SLC39A14: variants seen among roughly 807,000 people sequenced by gnomAD.
SLC39A14 encodes the protein metal cation symporter ZIP14.
Under a neutral mutation model 45.5 loss-of-function variants are expected in SLC39A14, and 19 were observed. That is an observed-to-expected ratio of 0.42 (90% CI 0.29 to 0.61). The LOEUF is 0.61. SLC39A14 is among the 20% of genes least tolerant of loss of function. The pLI, the probability that SLC39A14 is intolerant of heterozygous loss-of-function variation, is 0.22. For synonymous variants in SLC39A14, 264 were observed against 251.3 expected, an observed-to-expected ratio of 1.05 and a Z score of -0.48; for missense variants, 447 against 616.5, an observed-to-expected ratio of 0.73 and a Z score of 2.91.
In SLC39A14 at chr8:22,416,108, G is replaced by A. The variant is rs752035677; in HGVS notation, c.975G>A (p.Leu325=). The part of the protein sequence containing the change: ...LQASQSACYW[L]KGVRYSDIGT... ...CTTCCCAGAGTGCTTGCTACTGGCT[G>A]AAAGGTGTCCGCTACTCTGATATCG... The change falls in exon 7 of 9, where the codon CTG becomes CTA. Residue 325 remains leucine (L), a synonymous_variant. Transcript: ENST00000381237. 4 of 1,614,134 alleles carry A rather than the reference G, an allele frequency of 2.5e-6. No homozygotes were observed. The highest frequency in any genetic ancestry group is 1.7e-6 in the Non-Finnish European group (2 of 1,180,024).
In SLC39A14 at chr8:22,416,100, T is replaced by A. The variant is rs934560920; in HGVS notation, c.967T>A (p.Tyr323Asn). The part of the protein sequence containing the change: ...QDLQASQSAC[Y>N]WLKGVRYSDI... ...CCTGCAGGCTTCCCAGAGTGCTTGC[T>A]ACTGGCTGAAAGGTGTCCGCTACTC... is the stretch of plus-strand genomic sequence containing the variant. Residue 323 changes from tyrosine (Y) to asparagine (N), a missense_variant, in exon 7 of 9, where the codon TAC (tyrosine) becomes AAC (asparagine). Tyr to Asn is a moderately radical substitution (Grantham distance 143). Around this residue, in one of 2 missense-constraint regions of SLC39A14, gnomAD observed 342 missense variants for 428.1 expected, o/e 0.80. Transcript: ENST00000381237. 1.2e-6 allele frequency: 2 copies of A among 1,614,136 alleles called. No individual in the cohort carries two copies. Among genetic ancestry groups the A allele is most frequent in the Non-Finnish European group, 1.7e-6 (2 of 1,180,020 alleles).
At chr8:22,397,102 G>A (rs905883570) in intron 1 of SLC39A14, among the ~76,000 whole-genome samples, 2 of 151,984 alleles carry the variant, frequency 1.3e-5, no homozygotes, top group Admixed American at 6.6e-5. Context: ...AACTCTGCAA[G>A]TTTATTCTCT....
intron 1 of SLC39A14, among the ~76,000 whole-genome samples, chr8:22,383,149 C>T (rs755583768): frequency 4.3e-4 from 66 of 152,272 alleles, no homozygotes; most frequent in Non-Finnish European, 8.4e-4. Flanking sequence ...AGGATAGCCT[C>T]AGCAAATCAT....
intron 3 of SLC39A14, among the ~76,000 whole-genome samples, chr8:22,411,620 G>C (rs1835572754): frequency 6.6e-6 from 1 of 152,150 alleles, no homozygotes; most frequent in African/African-American, 2.4e-5. Flanking sequence ...GAGAGCCCTC[G>C]AGTCCAAAGT....
rs1835844651 is a variant in SLC39A14 at position 22,415,864 on chromosome 8, G to A, written c.846G>A (p.Leu282=). The change falls in exon 6 of 9, where the codon CTG becomes CTA. Residue 282 remains leucine, a synonymous_variant. Transcript: ENST00000381237. ...TGGAGAAGCTGCAGAACGGGGACCT[G>A]GACCACATGATTCCTCAGCACTGCA... ...GVMEKLQNGD[L]DHMIPQHCSS... 3 of 1,613,306 alleles carry A rather than the reference G, an allele frequency of 1.9e-6. No individual in the cohort carries two copies. In the East Asian group the frequency reaches 6.7e-5, roughly 36 times the overall value.
At position 22,422,379 on chromosome 8, in the gene SLC39A14, C is replaced by T. The variant is rs1836278601; in HGVS notation, c.*2681C>T. 3.0e-6 allele frequency: 3 copies of T among 985,688 alleles called. No individual in the cohort carries two copies. The highest frequency in any genetic ancestry group is 1.1e-4 in the East Asian group (1 of 8,828). The allele number at this position is 985,688 out of a possible 1,614,324, so 61.1% of individuals were successfully genotyped here. On this transcript the variant is annotated 3_prime_UTR_variant, in exon 9 of 9. Coordinates refer to ENST00000381237, the MANE Select transcript of SLC39A14 (RefSeq NM_001128431.4). ...GGAGCTATTCTTCACTGGTCCTTAA[C>T]CTTGGGTTTTAAAAAGAAGGCTTCT...
At chr8:22,385,717 C>T (rs1833757167) in intron 1 of SLC39A14, among the ~76,000 whole-genome samples, 1 of 152,080 alleles carries the variant, frequency 6.6e-6, no homozygotes. Flanking sequence ...TTCCATGTGG[C>T]TGGGTGTGGT....
chr8:22,414,761 T>G lies in SLC39A14; in HGVS notation c.628-19T>G. 6.3e-7 allele frequency: 1 copy of G among 1,583,654 alleles called. No homozygotes were observed. The highest frequency in any genetic ancestry group is 1.4e-5 in the African/African-American group (1 of 72,768). On this transcript the variant is annotated intron_variant, in intron 4 of 8. Coordinates refer to ENST00000381237, the MANE Select transcript of SLC39A14 (RefSeq NM_001128431.4). Reference sequence around the variant, plus strand: ...GCTTTATTTTCTTTAAAACTCATTTTCTTTTCCTGGGTCCACAGGCATTTG... The same window carrying G: ...GCTTTATTTTCTTTAAAACTCATTTGCTTTTCCTGGGTCCACAGGCATTTG...
intron 1 of SLC39A14, among the ~76,000 whole-genome samples, chr8:22,368,236 A>G (rs533279141): frequency 6.6e-6 from 1 of 152,124 alleles, no homozygotes; most frequent in South Asian, 2.1e-4. Flanking sequence ...TGGGGTTAGG[A>G]GCAGCTTTGA....
Position 22,405,053 on chromosome 8 carries a change from G to A in SLC39A14, c.270+73G>A, listed in dbSNP as rs902444877. ...CCTCTCAGGGTTCCCTGTCTAGTTG[G>A]GCCCAGGGCAGCCTGGCAGCTTGGC... is the stretch of plus-strand genomic sequence containing the variant. On this transcript the variant is annotated intron_variant, in intron 2 of 8. Transcript: ENST00000381237. The A allele has an allele frequency of 1.3e-5, 19 of 1,470,998 alleles. 1 individual carries two copies. Among genetic ancestry groups the A allele is most frequent in the East Asian group, 2.3e-5 (1 of 43,394 alleles). The allele number at this position is 1,470,998 out of a possible 1,614,324, so 91.1% of individuals were successfully genotyped here.
intron 1 of SLC39A14, among the ~76,000 whole-genome samples, chr8:22,385,342 C>T (rs1365638655): frequency 6.6e-6 from 1 of 152,160 alleles, no homozygotes; most frequent in Non-Finnish European, 1.5e-5. Context: ...AGGTACTACC[C>T]GGCCCTCCAG....
chr8:22,421,061 C>G lies in SLC39A14; in HGVS notation c.*1363C>G, dbSNP rs1188441659. The G allele has an allele frequency of 1.0e-6, 1 of 985,722 alleles. No individual in the cohort carries two copies. Among genetic ancestry groups the G allele is most frequent in the East Asian group, 1.1e-4 (1 of 8,834 alleles). The allele number at this position is 985,722 out of a possible 1,614,324, so 61.1% of individuals were successfully genotyped here. A position where few individuals can be genotyped will look rare whatever the true frequency, so the allele number is the denominator to read the frequency against. On this transcript the variant is annotated 3_prime_UTR_variant, in exon 9 of 9. Coordinates refer to ENST00000381237, the MANE Select transcript of SLC39A14 (RefSeq NM_001128431.4). ...CAAGGGGAGCTCTTCTCCAGGTTCA[C>G]TAGGTGAATTGATTTATTATTATCA...
At position 22,432,750 on chromosome 8, in the gene SLC39A14, C is replaced by A. The variant is rs7831662; in HGVS notation, c.1333-1141C>A. Among the ~76,000 whole-genome samples the A allele has an allele frequency of 2.2e-4, 32 of 145,116 alleles. No homozygotes were observed. The East Asian group carries it at 5.7e-3, about 26-fold the overall frequency. ...GCAACCTCCGGCTCCCAGGTTCAAGCGATTCTCCTGTCTCAGCCTCCCAAG... is the reference window on the plus strand; with the variant it reads ...GCAACCTCCGGCTCCCAGGTTCAAGAGATTCTCCTGTCTCAGCCTCCCAAG... On this transcript the variant is annotated intron_variant, in intron 8 of 8. Coordinates refer to the SLC39A14 transcript ENST00000240095.
At chr8:22,430,936 G>A (rs1004880548) in intron 8 of SLC39A14, among the ~76,000 whole-genome samples, 2 of 151,658 alleles carry the variant, frequency 1.3e-5, no homozygotes. Flanking sequence ...GCCTCCCAAA[G>A]TGCTGGGATT....
At position 22,404,458 on chromosome 8, in the gene SLC39A14, G is replaced by GT. The variant is rs375772752; in HGVS notation, c.-15-235dup. The stretch of plus-strand genomic sequence containing the variant: ...AAAAAAAAATCATAACCGCATTGCT[G>GT]TTTGTTTTTTTTTTTTTCATTTTTC... On this transcript the variant is annotated intron_variant, in intron 1 of 8. Transcript: ENST00000381237. The GT allele has an allele frequency of 4.6e-5, 13 of 280,588 alleles. 1 individual carries two copies. The highest frequency in any genetic ancestry group is 1.1e-4 in the Admixed American group (2 of 17,448). 17.4% of individuals were successfully genotyped at this position (280,588 alleles called of 1,614,324 possible).
At chr8:22,393,482 C>G (rs1203921096) in intron 1 of SLC39A14, among the ~76,000 whole-genome samples, 23 of 152,062 alleles carry the variant, frequency 1.5e-4, no homozygotes, top group Non-Finnish European at 1.6e-4. Flanking sequence ...CCCAGAGAAG[C>G]CTGTAGGGCA....
intron 1 of SLC39A14, among the ~76,000 whole-genome samples, chr8:22,400,050 A>T (rs1834764734): frequency 6.6e-6 from 1 of 152,140 alleles, no homozygotes; most frequent in Admixed American, 6.5e-5. Context: ...CAAGATTTGG[A>T]TGCTTGTTGG....
At chr8:22,422,926 C>T (rs1166801567), downstream of SLC39A14, among the ~76,000 whole-genome samples, 1 of 152,008 alleles carries the variant, frequency 6.6e-6, no homozygotes, top group Non-Finnish European at 1.5e-5. Context: ...TGGGTTCAAG[C>T]GATTCTCCTG....
chr8:22,370,233 TA>T (rs1832855443), intron 1 of SLC39A14, among the ~76,000 whole-genome samples: 1 of 152,162 alleles, frequency 6.6e-6, no homozygotes, highest in Non-Finnish European at 1.5e-5. Context: ...GTTCTGTTTT[TA>T]AACCCTGCTT....
Sources: gnomAD v4.1 joint callset for allele counts (sites outside exome capture counted in the v4.1 genomes callset) on GRCh38, gnomAD v4.1.1 for gene constraint, gnomAD v4.1.1 regional missense constraint, MANE v1.5 for transcripts, NCBI Gene and HGNC (gene_info 2026-07-23, HGNC 2026-07-21) for gene names.